Variants in VPS13C observed in about 807,000 individuals in gnomAD.
The protein encoded by VPS13C is vacuolar protein sorting 13 homolog C.
VPS13C carries 358 observed loss-of-function variants against 456.8 expected under a neutral mutation model. That is an observed-to-expected ratio of 0.78 (90% CI 0.72 to 0.86). VPS13C has a LOEUF of 0.86. Among genes scored for constraint, VPS13C ranks in the 40% least tolerant of loss-of-function variants. The probability of loss-of-function intolerance (pLI) is 0.00; values close to 1 mark genes in which losing one functional copy is unlikely to be tolerated. For missense variants in VPS13C, 4,818 were observed against 4,385.4 expected (o/e 1.10, Z -2.79); for synonymous variants, 1,578 against 1,486.7 (o/e 1.06, Z -1.41).
At position 62,037,217 on chromosome 15, in the gene VPS13C, T is replaced by TATATAATATATTATATATATATATA. The variant is rs1567136116; in HGVS notation, c.188-2166_188-2165insTATATATATATATAATATATTATAT. Among the ~76,000 whole-genome samples the TATATAATATATTATATATATATATA allele has an allele frequency of 7.6e-4, 74 of 96,928 alleles. 1 individual carries two copies. Among genetic ancestry groups the TATATAATATATTATATATATATATA allele is most frequent in the Non-Finnish European group, 1.2e-3 (63 of 52,724 alleles). 63.6% of individuals were successfully genotyped at this position (96,928 alleles called of 152,430 possible). ...TAATAAATATAATATATAAATATAT[T>TATATAATATATTATATATATATATA]ATATAATATATTATATATAAATATA... is the stretch of plus-strand genomic sequence containing the variant. On this transcript the variant is annotated intron_variant, in intron 3 of 84. Transcript: ENST00000644861.
intron 2 of VPS13C, among the ~76,000 whole-genome samples, chr15:62,043,591 G>C (rs1328183528): frequency 1.3e-5 from 2 of 152,188 alleles, no homozygotes; most frequent in Non-Finnish European, 2.9e-5. Context: ...AGGCAACAGA[G>C]TGAGACTGTA....
chr15:61,862,756 TC>T (rs1479686799), intron 82 of VPS13C, among the ~76,000 whole-genome samples: 1 of 152,192 alleles, frequency 6.6e-6, no homozygotes, highest in Non-Finnish European at 1.5e-5. Flanking sequence ...ATCCTGTCAT[TC>T]AGCTTTTCTT....
intron 28 of VPS13C, among the ~76,000 whole-genome samples, chr15:61,968,809 G>A (rs2045459509): frequency 6.6e-6 from 1 of 152,024 alleles, no homozygotes; most frequent in Non-Finnish European, 1.5e-5. Context: ...TTAATAGAAA[G>A]AACAAGGCCT....
intron 18 of VPS13C, among the ~76,000 whole-genome samples, chr15:61,989,480 A>G (rs909641371): frequency 6.6e-6 from 1 of 152,068 alleles, no homozygotes; most frequent in Non-Finnish European, 1.5e-5. Context: ...TGAAAAGCCA[A>G]CCCACGTTTT....
chr15:61,888,502 T>C (rs935196299), intron 67 of VPS13C, among the ~76,000 whole-genome samples: 2 of 152,118 alleles, frequency 1.3e-5, no homozygotes, highest in African/African-American at 2.4e-5. Context: ...ATTCATACAA[T>C]GGACTATTAT....
At chr15:62,012,961 C>G (rs1322774566) in intron 11 of VPS13C, 78 bp downstream of exon 11, 5 of 931,258 alleles carry the variant, frequency 5.4e-6, no homozygotes, top group Admixed American at 2.3e-5. Flanking sequence ...ATATCCTGTC[C>G]TCATGAAGGC....
rs141927486 is a variant in VPS13C at position 61,873,377 on chromosome 15, C to T, written c.10447G>A (p.Gly3483Ser). 46 of 1,613,538 alleles carry T rather than the reference C, an allele frequency of 2.9e-5. No individual in the cohort carries two copies. The highest frequency in any genetic ancestry group is 1.6e-4 in the East Asian group (7 of 44,844). ...GAAGVVSRITGSVGKGLAAIT... is the reference protein window; with the variant it reads ...GAAGVVSRITSSVGKGLAAIT... ...GCTGCCAAACCTTTCCCAACAGAAC[C>T]GGTGATTCGAGATACAACTCCTGCT... The change falls in exon 78 of 85, where the codon GGT becomes AGT. Residue 3483 changes from glycine to serine, a missense_variant. This residue lies in a region of VPS13C where 4,552 missense variants were observed against 4,130.6 expected (regional missense o/e 1.10). Coordinates refer to ENST00000644861, the MANE Select transcript of VPS13C (RefSeq NM_020821.3).
intron 5 of VPS13C, among the ~76,000 whole-genome samples, chr15:62,029,974 G>A (rs571537217): frequency 6.6e-6 from 1 of 152,150 alleles, no homozygotes; most frequent in African/African-American, 2.4e-5. Context: ...AAAGGACCCA[G>A]GAAACAGGGA....
At position 61,940,809 on chromosome 15, in the gene VPS13C, A is replaced by G; in HGVS notation, c.5454-15T>C. On this transcript the variant is annotated splice_polypyrimidine_tract_variant and intron_variant, in intron 46 of 84. Transcript: ENST00000644861. ...GCAAAATAGTTCTGAAAGAAAAACAAGAATTTATTTTTTACTTCAAATTTA... is the reference window on the plus strand; with the variant it reads ...GCAAAATAGTTCTGAAAGAAAAACAGGAATTTATTTTTTACTTCAAATTTA... 6.2e-7 allele frequency: 1 copy of G among 1,603,658 alleles called. No homozygotes were observed. The highest frequency in any genetic ancestry group is 1.1e-5 in the South Asian group (1 of 89,572).
At chr15:61,970,846 C>T (rs1185910314) in intron 27 of VPS13C, among the ~76,000 whole-genome samples, 2 of 131,614 alleles carry the variant, frequency 1.5e-5, no homozygotes, top group East Asian at 2.1e-4. Flanking sequence ...TGAACAAATA[C>T]CTGAAGTTAG....
At chr15:61,864,721 G>C in intron 81 of VPS13C, 4 of 985,456 alleles carry the variant, frequency 4.1e-6, no homozygotes, top group Non-Finnish European at 4.8e-6. Context: ...TCTTCAGAAT[G>C]AGTCTCAGAG....
At chr15:62,058,298 C>G (rs2048867922) in intron 1 of VPS13C, among the ~76,000 whole-genome samples, 1 of 152,164 alleles carries the variant, frequency 6.6e-6, no homozygotes, top group Non-Finnish European at 1.5e-5. Context: ...TACTTGATTT[C>G]TGCAGAAGAT....
chr15:61,973,396 T>C, intron 26 of VPS13C, 58 bp downstream of exon 26: 2 of 1,376,674 alleles, frequency 1.5e-6, no homozygotes, highest in East Asian at 4.6e-5. Context: ...AAATGTTATC[T>C]CTGTATAACA....
intron 62 of VPS13C, 103 bp from the exon 63 acceptor site, chr15:61,912,107 A>G (rs1421535778): frequency 3.8e-6 from 4 of 1,041,856 alleles, no homozygotes; most frequent in South Asian, 4.3e-5. Context: ...TTTTAAAATA[A>G]TAATTCTTAA....
chr15:62,006,721 A>G (rs1031635890), intron 15 of VPS13C, among the ~76,000 whole-genome samples: 2 of 152,184 alleles, frequency 1.3e-5, no homozygotes, highest in African/African-American at 4.8e-5. Context: ...AATCCCACCA[A>G]CAGTGTAAAA....
At chr15:61,880,201 G>A (rs570522510) in intron 73 of VPS13C, among the ~76,000 whole-genome samples, 2 of 152,030 alleles carry the variant, frequency 1.3e-5, no homozygotes, top group Non-Finnish European at 2.9e-5. Flanking sequence ...TTTGGAAGGG[G>A]GGAAAAACAC....
intron 59 of VPS13C, 150 bp from the exon 60 acceptor site, chr15:61,917,785 G>T: frequency 1.0e-6 from 1 of 957,156 alleles, no homozygotes; most frequent in Non-Finnish European, 1.5e-6. Flanking sequence ...CTAAAAAAAA[G>T]GTTAGGAAAT....
intron 15 of VPS13C, among the ~76,000 whole-genome samples, chr15:62,006,402 G>A (rs950129667): frequency 2.6e-5 from 4 of 152,062 alleles, no homozygotes; most frequent in African/African-American, 9.7e-5. Context: ...ATGGTTTCCA[G>A]TTTCATCCAT....
intron 11 of VPS13C, among the ~76,000 whole-genome samples, chr15:62,012,515 G>C (rs1360933950): frequency 6.6e-6 from 1 of 151,824 alleles, no homozygotes; most frequent in East Asian, 1.9e-4. Context: ...AGAAATCAGA[G>C]ATAGAAGATT....
Sources: gnomAD v4.1 joint callset for allele counts (sites outside exome capture counted in the v4.1 genomes callset) on GRCh38, gnomAD v4.1.1 for gene constraint, gnomAD v4.1.1 regional missense constraint, MANE v1.5 for transcripts, NCBI Gene and HGNC (gene_info 2026-07-23, HGNC 2026-07-21) for gene names.